The following TTC33 variants were observed in gnomAD, a reference collection of about 807,000 sequenced individuals.
TTC33 encodes the protein tetratricopeptide repeat domain 33.
In TTC33, 24 loss-of-function variants were observed where a neutral mutation model predicts 29.4. The ratio of observed to expected loss-of-function variants is 0.82; its 90% CI spans 0.59 to 1.15. The LOEUF is 1.15. Ranked by LOEUF, TTC33 falls within the 50% of genes most tolerant of loss-of-function variation. The probability of loss-of-function intolerance (pLI) is 0.00; values close to 1 mark genes in which losing one functional copy is unlikely to be tolerated. For missense variants in TTC33, 286 were observed against 310.4 expected (o/e 0.92, Z 0.59); for synonymous variants, 107 against 100.3 (o/e 1.07, Z -0.40).
At chr5:40,754,656 A>G (rs1742952824) in intron 1 of TTC33, among the ~76,000 whole-genome samples, 1 of 152,242 alleles carries the variant, frequency 6.6e-6, no homozygotes, top group Non-Finnish European at 1.5e-5. Context: ...GAAACCACAG[A>G]GTACAGTCAA....
At chr5:40,729,212 C>T (rs1452039330) in intron 3 of TTC33, among the ~76,000 whole-genome samples, 1 of 152,074 alleles carries the variant, frequency 6.6e-6, no homozygotes, top group Non-Finnish European at 1.5e-5. Context: ...AATGAAGGTC[C>T]TCATATCACT....
intron 4 of TTC33, among the ~76,000 whole-genome samples, chr5:40,723,320 T>C (rs556872485): frequency 1.6e-3 from 240 of 152,144 alleles, no homozygotes; most frequent in African/African-American, 5.7e-3. Flanking sequence ...GTCCTCTGCC[T>C]AGGAAAACCA....
chr5:40,746,484 T>C (rs185212622), intron 2 of TTC33, among the ~76,000 whole-genome samples: 48 of 152,330 alleles, frequency 3.2e-4, no homozygotes, highest in Non-Finnish European at 5.9e-4. Flanking sequence ...AGACCACCTT[T>C]TACTGACCAA....
At chr5:40,744,988 C>T (rs182572631) in intron 2 of TTC33, among the ~76,000 whole-genome samples, 1 of 152,284 alleles carries the variant, frequency 6.6e-6, no homozygotes, top group Admixed American at 6.5e-5. Context: ...TCAATCTCTA[C>T]ACCTAACTTT....
At position 40,714,386 on chromosome 5, in the gene TTC33, T is replaced by C. The variant is rs1741958475; in HGVS notation, c.*1759A>G. On this transcript the variant is annotated 3_prime_UTR_variant, in exon 5 of 5. Transcript: ENST00000337702. Reference sequence around the variant, plus strand: ...GAGGCACCATGCAAGGTACTTTAAATATATTAAGTTCATATAAGAAAGACA... The same window carrying C: ...GAGGCACCATGCAAGGTACTTTAAACATATTAAGTTCATATAAGAAAGACA... The C allele has an allele frequency of 6.6e-6, 1 of 152,182 alleles. No individual in the cohort carries two copies. 9.4% of individuals were successfully genotyped at this position (152,182 alleles called of 1,614,324 possible).
rs1741989265 is a variant in TTC33 at position 40,716,057 on chromosome 5, C to G, written c.*88G>C. 5.3e-6 allele frequency: 6 copies of G among 1,123,132 alleles called. No homozygotes were observed. Among genetic ancestry groups the G allele is most frequent in the Non-Finnish European group, 7.5e-6 (6 of 803,064 alleles). The allele number at this position is 1,123,132 out of a possible 1,614,324, so 69.6% of individuals were successfully genotyped here. On this transcript the variant is annotated 3_prime_UTR_variant, in exon 5 of 5. Transcript: ENST00000337702. ...AACATATTTTACAACCAGGCGTTCT[C>G]CTATCTATCTCCAGAGTAAATGTCT...
chr5:40,719,356 T>A (rs1242223569), intron 4 of TTC33, among the ~76,000 whole-genome samples: 1 of 152,278 alleles, frequency 6.6e-6, no homozygotes, highest in African/African-American at 2.4e-5. Context: ...ATATTGTTTT[T>A]AAAGTTCATC....
rs748033178 is a variant in TTC33, at chr5:40,746,896, A to C, written c.123T>G (p.Leu41=). The part of the protein sequence containing the change: ...DVVDNDEGNW[L]HAIKRRKEIL... Reference sequence around the variant, plus strand: ...TTTCTTTCCTACGTTTAATGGCATGAAGCCAGTTCCCTTCATCGTTGTCAA... The same window carrying C: ...TTTCTTTCCTACGTTTAATGGCATGCAGCCAGTTCCCTTCATCGTTGTCAA... The change falls in exon 2 of 5, where the codon CTT becomes CTG. Residue 41 remains leucine (L), a synonymous_variant. Coordinates refer to ENST00000337702, the MANE Select transcript of TTC33 (RefSeq NM_012382.3). 57 of 1,614,178 alleles carry C rather than the reference A, an allele frequency of 3.5e-5. 2 individuals carry two copies. The South Asian group carries it at 6.0e-4, about 17-fold the overall frequency.
At chr5:40,740,755 T>C (rs1028138174) in intron 2 of TTC33, among the ~76,000 whole-genome samples, 2 of 152,178 alleles carry the variant, frequency 1.3e-5, no homozygotes, top group Non-Finnish European at 2.9e-5. Flanking sequence ...TAGACAAGCA[T>C]AGCTCTCCCA....
chr5:40,715,739 G>A lies in TTC33; in HGVS notation c.*406C>T, dbSNP rs1366904441. On this transcript the variant is annotated 3_prime_UTR_variant, in exon 5 of 5. Transcript: ENST00000337702. ...AAGAAAAAGACAGCAAATATTAAGCGCAGTATATTTCTCAGAGGGAGGGAA... is the reference window on the plus strand; with the variant it reads ...AAGAAAAAGACAGCAAATATTAAGCACAGTATATTTCTCAGAGGGAGGGAA... 1.9e-5 allele frequency: 3 copies of A among 157,270 alleles called. No homozygotes were observed. The highest frequency in any genetic ancestry group is 2.8e-5 in the Non-Finnish European group (2 of 71,586). The allele number at this position is 157,270 out of a possible 1,614,324, so 9.7% of individuals were successfully genotyped here.
chr5:40,725,972 A>T (rs1742274735), intron 4 of TTC33, among the ~76,000 whole-genome samples: 1 of 151,562 alleles, frequency 6.6e-6, no homozygotes, highest in South Asian at 2.1e-4. Context: ...TTTTTAGTAG[A>T]GACGGGGTTT....
At position 40,746,879 on chromosome 5, in the gene TTC33, CTACG is replaced by C; in HGVS notation, c.136_139del (p.Arg46GlyfsTer16). On this transcript the variant is annotated frameshift_variant, in exon 2 of 5. Coordinates refer to ENST00000337702, the MANE Select transcript of TTC33 (RefSeq NM_012382.3). LOFTEE classifies it high-confidence loss of function. ...ACAGCCTTCAAGAAGAATTTCTTTC[CTACG>C]TTTAATGGCATGAAGCCAGTTCCCT... 7.4e-6 allele frequency: 12 copies of C among 1,614,038 alleles called. No individual in the cohort carries two copies. The highest frequency in any genetic ancestry group is 1.0e-5 in the Non-Finnish European group (12 of 1,180,012).
chr5:40,743,589 A>G (rs530840027), intron 2 of TTC33, among the ~76,000 whole-genome samples: 39 of 152,016 alleles, frequency 2.6e-4, no homozygotes, highest in Non-Finnish European at 5.3e-4. Flanking sequence ...CCTGGCCAAC[A>G]TGGCGAAATC....
chr5:40,739,519 T>C (rs1045709354), intron 2 of TTC33, among the ~76,000 whole-genome samples: 1 of 152,150 alleles, frequency 6.6e-6, no homozygotes, highest in African/African-American at 2.4e-5. Flanking sequence ...GTTCTCGTGA[T>C]AGTGAGTTCT....
In TTC33 at chr5:40,716,543, G is replaced by T. The variant is rs561753270; in HGVS notation, c.436-45C>A. The T allele has an allele frequency of 2.6e-5, 34 of 1,291,012 alleles. No individual in the cohort carries two copies. The East Asian group carries it at 7.1e-4, about 27-fold the overall frequency. 80.0% of individuals were successfully genotyped at this position (1,291,012 alleles called of 1,614,324 possible). A position where few individuals can be genotyped will look rare whatever the true frequency, so the allele number is the denominator to read the frequency against. Reference sequence around the variant, plus strand: ...TTTTTTGTTTTGGTTTTAAAAATTAGTATGTTTAATACAATCCTGTGTGTT... The same window carrying T: ...TTTTTTGTTTTGGTTTTAAAAATTATTATGTTTAATACAATCCTGTGTGTT... On this transcript the variant is annotated intron_variant, in intron 4 of 4. Coordinates refer to ENST00000337702, the MANE Select transcript of TTC33 (RefSeq NM_012382.3).
chr5:40,745,150 A>G (rs913603892), intron 2 of TTC33, among the ~76,000 whole-genome samples: 5 of 152,234 alleles, frequency 3.3e-5, no homozygotes, highest in African/African-American at 1.2e-4. Context: ...CACTAAAGAG[A>G]CATAATAACC....
intron 2 of TTC33, among the ~76,000 whole-genome samples, chr5:40,736,562 A>G (rs1742555507): frequency 6.6e-6 from 1 of 152,234 alleles, no homozygotes; most frequent in Non-Finnish European, 1.5e-5. Context: ...CCTAGTTTGT[A>G]ATAATTCTAG....
In TTC33 at chr5:40,716,116, C is replaced by A; in HGVS notation, c.*29G>T. The A allele has an allele frequency of 6.6e-7, 1 of 1,520,626 alleles. No individual in the cohort carries two copies. The allele number at this position is 1,520,626 out of a possible 1,614,324, so 94.2% of individuals were successfully genotyped here. On this transcript the variant is annotated 3_prime_UTR_variant, in exon 5 of 5. Transcript: ENST00000337702. The stretch of plus-strand genomic sequence containing the variant: ...AAACTTCAAGAGGCAATCAAAAAGA[C>A]AGATTCAAATAATCCTATGCATACT...
rs965982562 is a variant in TTC33 at position 40,714,985 on chromosome 5, G to C, written c.*1160C>G. The C allele has an allele frequency of 3.3e-5, 5 of 151,996 alleles. No individual in the cohort carries two copies. The highest frequency in any genetic ancestry group is 1.2e-4 in the African/African-American group (5 of 41,416). The allele number at this position is 151,996 out of a possible 1,614,324, so 9.4% of individuals were successfully genotyped here. A position where few individuals can be genotyped will look rare whatever the true frequency, so the allele number is the denominator to read the frequency against. The stretch of plus-strand genomic sequence containing the variant: ...ATAATAGTTCAGATTAGCAATGACA[G>C]TATTGGTTTGTGAATATGACTGTGG... On this transcript the variant is annotated 3_prime_UTR_variant, in exon 5 of 5. Coordinates refer to ENST00000337702, the MANE Select transcript of TTC33 (RefSeq NM_012382.3).
Sources: gnomAD v4.1 joint callset for allele counts (sites outside exome capture counted in the v4.1 genomes callset) on GRCh38, gnomAD v4.1.1 for gene constraint, MANE v1.5 for transcripts, NCBI Gene and HGNC (gene_info 2026-07-23, HGNC 2026-07-21) for gene names.